PCDH7: variants seen among roughly 807,000 people sequenced by gnomAD.
PCDH7 encodes protocadherin 7, also known as protocadherin-7.
In PCDH7, 17 loss-of-function variants were observed where a neutral mutation model predicts 58.9. The ratio of observed to expected loss-of-function variants is 0.29; its 90% CI spans 0.20 to 0.43. The LOEUF (loss-of-function observed/expected upper bound fraction) is 0.43. Among genes scored for constraint, PCDH7 ranks in the 20% least tolerant of loss-of-function variants. PCDH7 has a pLI of 1.00. For missense variants in PCDH7, 1,274 were observed against 1,441.0 expected (o/e 0.88, Z 1.88); for synonymous variants, 664 against 616.4 (o/e 1.08, Z -1.14).
intron 2 of PCDH7, among the ~76,000 whole-genome samples, chr4:30,921,713 G>A (rs2109416350): frequency 6.6e-6 from 1 of 152,046 alleles, no homozygotes; most frequent in African/African-American, 2.4e-5. Context: ...GGAGTCTGGT[G>A]TGGTTTCTAA....
chr4:31,138,922 GGCAAGATT>G (rs1325872326), intron 3 of PCDH7, among the ~76,000 whole-genome samples: 2 of 151,372 alleles, frequency 1.3e-5, no homozygotes, highest in Non-Finnish European at 2.9e-5. Context: ...GTTGCGGTGA[GGCAAGATT>G]GCACCACTGC....
At position 30,722,545 on chromosome 4, in the gene PCDH7, C is replaced by T; in HGVS notation, c.1123C>T (p.Arg375Cys). 1.2e-6 allele frequency: 2 copies of T among 1,612,322 alleles called. No individual in the cohort carries two copies. Among genetic ancestry groups the T allele is most frequent in the Non-Finnish European group, 8.5e-7 (1 of 1,179,854 alleles). The change falls in exon 1 of 2, where the codon CGC (arginine) becomes TGC (cysteine). Residue 375 changes from arginine (R) to cysteine (C), a missense_variant. Physicochemically the swap from Arg to Cys is radical, Grantham distance 180. This residue lies in a region of PCDH7 where 331 missense variants were observed against 303.2 expected (regional missense o/e 1.09). Coordinates refer to ENST00000361762, the Ensembl canonical transcript of PCDH7. This position sits in a 1 kb window ranked among gnomAD's most constrained non-coding sequence, Gnocchi z 7.6. ...GCTCAGCGTCCTGCACCGGATCGAC[C>T]GCGAGGAGGTGAACCAGCTGCGCTT...
intron 3 of PCDH7, among the ~76,000 whole-genome samples, chr4:31,087,384 T>C (rs911175280): frequency 6.6e-6 from 1 of 152,176 alleles, no homozygotes; most frequent in Non-Finnish European, 1.5e-5. Context: ...TGAATGATAC[T>C]ATTCTTAAGG....
chr4:30,874,637 A>G (rs1471867050), intron 1 of PCDH7, among the ~76,000 whole-genome samples: 3 of 151,862 alleles, frequency 2.0e-5, no homozygotes, highest in East Asian at 1.9e-4. Context: ...ACATGTATAC[A>G]TATGTAACTA....
chr4:30,925,661 A>G (rs1277278097), intron 2 of PCDH7: 1 of 152,218 alleles, frequency 6.6e-6, no homozygotes, highest in Non-Finnish European at 1.5e-5. Flanking sequence ...CAATTGTGAC[A>G]TGGCTCTATA....
At chr4:30,773,079 T>C (rs1577734898) in intron 1 of PCDH7, among the ~76,000 whole-genome samples, 1 of 152,188 alleles carries the variant, frequency 6.6e-6, no homozygotes, top group East Asian at 1.9e-4. Flanking sequence ...AATTTTTGAA[T>C]GTTTGTAGAG....
At chr4:30,871,473 C>T (rs1351650041) in intron 1 of PCDH7, among the ~76,000 whole-genome samples, 2 of 152,040 alleles carry the variant, frequency 1.3e-5, no homozygotes, top group Non-Finnish European at 2.9e-5. Flanking sequence ...TTGGTGAGCA[C>T]AAGTCACTTG....
chr4:31,079,465 A>G (rs1401143069), intron 3 of PCDH7, among the ~76,000 whole-genome samples: 2 of 150,276 alleles, frequency 1.3e-5, no homozygotes, highest in Non-Finnish European at 3.0e-5. Flanking sequence ...AGTAACCAAG[A>G]AAGGTTGATT....
rs12499219 is a variant in PCDH7 at position 30,747,165 on chromosome 4, T to G, written c.70+22569T>G. Among the ~76,000 whole-genome samples, 1,038 of 152,272 alleles carry G rather than the reference T, an allele frequency of 6.8e-3. 33 individuals are homozygous for G. Among genetic ancestry groups the G allele is most frequent in the Admixed American group, 0.051 (774 of 15,276 alleles). ...TGTTGTTAAAATGTTTTAGTATGGT[T>G]TATATAGTTAATACTGAACTGGATC... is the stretch of plus-strand genomic sequence containing the variant. On this transcript the variant is annotated intron_variant, in intron 1 of 3. Coordinates refer to the PCDH7 transcript ENST00000509759.
intron 3 of PCDH7, among the ~76,000 whole-genome samples, chr4:31,015,048 T>C (rs927675490): frequency 4.6e-5 from 7 of 152,208 alleles, no homozygotes; most frequent in African/African-American, 1.7e-4. Context: ...TCCTTTTCAA[T>C]GAAACTGTGT....
chr4:30,804,696 C>T (rs925567343), intron 1 of PCDH7, among the ~76,000 whole-genome samples: 1 of 152,126 alleles, frequency 6.6e-6, no homozygotes, highest in Non-Finnish European at 1.5e-5. Context: ...GACTTCCCAG[C>T]CCCCAGAACT....
At chr4:31,094,394 A>C (rs1560218403) in intron 3 of PCDH7, among the ~76,000 whole-genome samples, 1 of 152,186 alleles carries the variant, frequency 6.6e-6, no homozygotes, top group Non-Finnish European at 1.5e-5. Context: ...GCTATTACAT[A>C]AGGACATCTT....
intron 3 of PCDH7, among the ~76,000 whole-genome samples, chr4:30,952,871 G>C (rs1747502613): frequency 6.6e-6 from 1 of 152,124 alleles, no homozygotes; most frequent in Non-Finnish European, 1.5e-5. Context: ...GACAGGGCTT[G>C]CTGGGAAATT....
intron 1 of PCDH7, among the ~76,000 whole-genome samples, chr4:30,852,876 AT>A (rs1732952917): frequency 6.8e-6 from 1 of 147,680 alleles, no homozygotes; most frequent in Non-Finnish European, 1.5e-5. Context: ...TGAGAATTTG[AT>A]TCGGCTTCAC....
At chr4:31,143,133 A>G (rs547471239), downstream of PCDH7, 660 of 144,850 alleles carry the variant, frequency 4.6e-3, 13 homozygotes, top group African/African-American at 0.026. Context: ...AAACAAAAAG[A>G]AAAGAAAAAA....
chr4:30,788,674 A>C (rs1045413031), intron 1 of PCDH7, among the ~76,000 whole-genome samples: 13 of 152,206 alleles, frequency 8.5e-5, no homozygotes, highest in African/African-American at 2.4e-4. Flanking sequence ...GAATGGAGAG[A>C]AAAGAGTTTA....
intron 3 of PCDH7, among the ~76,000 whole-genome samples, chr4:31,042,054 C>A (rs1315481535): frequency 1.3e-5 from 2 of 152,186 alleles, no homozygotes; most frequent in East Asian, 3.9e-4. Context: ...TGTTTCTGAT[C>A]GACAAAGTAT....
intron 1 of PCDH7, among the ~76,000 whole-genome samples, chr4:30,750,275 G>A (rs1414911883): frequency 2.0e-5 from 3 of 152,098 alleles, no homozygotes; most frequent in Non-Finnish European, 4.4e-5. Context: ...TGGAAATCCT[G>A]TTTCTTTTCT....
intron 3 of PCDH7, among the ~76,000 whole-genome samples, chr4:30,982,170 A>G (rs188702603): frequency 1.3e-5 from 2 of 152,360 alleles, no homozygotes; most frequent in Admixed American, 1.3e-4. Flanking sequence ...CATGCACATG[A>G]AAAATATATA....
Sources: gnomAD v4.1 joint callset for allele counts (sites outside exome capture counted in the v4.1 genomes callset) on GRCh38, gnomAD v4.1.1 for gene constraint, gnomAD v4.1.1 regional missense constraint, Gnocchi (gnomAD v3.1) non-coding constraint, MANE v1.5 for transcripts, NCBI Gene and HGNC (gene_info 2026-07-23, HGNC 2026-07-21) for gene names.